The following IGSF9B variants were observed in gnomAD, a reference collection of about 807,000 sequenced individuals.
The protein encoded by IGSF9B is immunoglobulin superfamily member 9B.
A neutral mutation model predicts 143.7 loss-of-function variants in IGSF9B; 48 were observed. The observed-to-expected ratio is 0.33, with a 90% CI of 0.26 to 0.42. The LOEUF (loss-of-function observed/expected upper bound fraction) is 0.42, where lower values mean the gene tolerates loss of function less well. Among genes scored for constraint, IGSF9B ranks in the 20% least tolerant of loss-of-function variants. The pLI, the probability that IGSF9B is intolerant of heterozygous loss-of-function variation, is 1.00. For synonymous variants in IGSF9B, 903 were observed against 833.1 expected (o/e 1.08, Z -1.44); for missense variants, 1,706 against 1,980.0 (o/e 0.86, Z 2.63).
rs1939469278 is a variant in IGSF9B, at chr11:133,919,602, A to G, written c.3983+140T>C. On this transcript the variant is annotated intron_variant, in intron 18 of 19. Transcript: ENST00000533871. The stretch of plus-strand genomic sequence containing the variant: ...CCCCGCCCAAACCGCGGCGGCCAGA[A>G]CTCCTCTCCGAGGGACGCCGGTGCG... The G allele has an allele frequency of 1.1e-5, 6 of 570,288 alleles. No homozygotes were observed. In the Admixed American group the frequency reaches 2.3e-4, roughly 22 times the overall value. 35.3% of individuals were successfully genotyped at this position (570,288 alleles called of 1,614,324 possible). A position where few individuals can be genotyped will look rare whatever the true frequency, so the allele number is the denominator to read the frequency against.
chr11:133,927,049 C>T lies in IGSF9B; in HGVS notation c.1674G>A (p.Leu558=). The change falls in exon 13 of 20, where the codon TTG becomes TTA. Residue 558 remains leucine, a synonymous_variant. Transcript: ENST00000533871. ...AQFGPHDWLS[L]PVPPGPSWLL... is the part of the protein sequence containing the mutation. Reference sequence around the variant, plus strand: ...GCCAGCTGGGTCCTGGCGGCACTGGCAAGGACAGCCAGTCATGGGGCCCAA... The same window carrying T: ...GCCAGCTGGGTCCTGGCGGCACTGGTAAGGACAGCCAGTCATGGGGCCCAA... 1 of 1,562,376 alleles carries T rather than the reference C, an allele frequency of 6.4e-7. No individual in the cohort carries two copies. Among genetic ancestry groups the T allele is most frequent in the Non-Finnish European group, 8.7e-7 (1 of 1,153,388 alleles).
At chr11:133,951,760 C>G (rs551003687) in intron 1 of IGSF9B, among the ~76,000 whole-genome samples, 1 of 152,334 alleles carries the variant, frequency 6.6e-6, no homozygotes, top group East Asian at 1.9e-4. Flanking sequence ...CTGCAGCCGG[C>G]AGGCCGCCTG....
In IGSF9B at chr11:133,911,913, C is replaced by T. The variant is rs753450719; in HGVS notation, c.4078G>A (p.Gly1360Ser). 5 of 1,534,386 alleles carry T rather than the reference C, an allele frequency of 3.3e-6. No individual in the cohort carries two copies. Among genetic ancestry groups the T allele is most frequent in the Non-Finnish European group, 4.4e-6 (5 of 1,146,392 alleles). ...RIKKPKKSSK[G>S]SSKSKKRSDD... is the part of the protein sequence containing the mutation. Reference sequence around the variant, plus strand: ...GATCGTTTCTTTGACTTCGAAGAGCCCTTGGATGACTTTTTGGGCTTCTTT... The same window carrying T: ...GATCGTTTCTTTGACTTCGAAGAGCTCTTGGATGACTTTTTGGGCTTCTTT... The change falls in exon 19 of 20, where the codon GGC becomes AGC. Residue 1360 changes from glycine to serine, a missense_variant. Transcript: ENST00000533871.
Position 133,945,651 on chromosome 11 carries a change from G to T in IGSF9B, c.262+410C>A, listed in dbSNP as rs1940033437. Reference sequence around the variant, plus strand: ...CACCTGCAAACGGTGGGAGGCCAAAGATTCATCCATACACTCAGGACGGGA... The same window carrying T: ...CACCTGCAAACGGTGGGAGGCCAAATATTCATCCATACACTCAGGACGGGA... On this transcript the variant is annotated intron_variant, in intron 2 of 19. Coordinates refer to ENST00000533871, the MANE Select transcript of IGSF9B (RefSeq NM_001277285.4). The surrounding 1 kb of genome is among the most constrained non-coding windows in gnomAD (Gnocchi z 4.6). 6.6e-6 allele frequency among the ~76,000 whole-genome samples: 1 copy of T among 152,084 alleles called. No individual in the cohort carries two copies. Among genetic ancestry groups the T allele is most frequent in the Non-Finnish European group, 1.5e-5 (1 of 68,034 alleles).
rs1424071704 is a variant in IGSF9B at position 133,909,540 on chromosome 11, T to C, written c.4106-263A>G. ...GGAGAGGATTTTCCTTCTCATTCAT[T>C]TCTTTCTCGATCAGTCTACAAATAT... On this transcript the variant is annotated intron_variant, in intron 19 of 19. Coordinates refer to ENST00000533871, the MANE Select transcript of IGSF9B (RefSeq NM_001277285.4). This position sits in a 1 kb window ranked among gnomAD's most constrained non-coding sequence, Gnocchi z 4.2. Among the ~76,000 whole-genome samples, 1 of 152,220 alleles carries C rather than the reference T, an allele frequency of 6.6e-6. No individual in the cohort carries two copies. Among genetic ancestry groups the C allele is most frequent in the Non-Finnish European group, 1.5e-5 (1 of 68,030 alleles).
intron 1 of IGSF9B, among the ~76,000 whole-genome samples, chr11:133,954,522 G>A (rs1397695439): frequency 6.6e-6 from 1 of 152,196 alleles, no homozygotes; most frequent in Non-Finnish European, 1.5e-5. Context: ...GGGACACTGA[G>A]AAAATAATGT....
rs888767270 is a variant in IGSF9B at position 133,944,114 on chromosome 11, G to A, written c.409+106C>T. 4 of 1,225,590 alleles carry A rather than the reference G, an allele frequency of 3.3e-6. No individual in the cohort carries two copies. The African/African-American group carries it at 6.1e-5, about 19-fold the overall frequency. The allele number at this position is 1,225,590 out of a possible 1,614,324, so 75.9% of individuals were successfully genotyped here. A position where few individuals can be genotyped will look rare whatever the true frequency, so the allele number is the denominator to read the frequency against. ...AGCAACAAGGAGGGGGGCAGGGGGT[G>A]AGATGCAGTTGGGAGAAGGGCTTCC... On this transcript the variant is annotated intron_variant, in intron 3 of 19. Transcript: ENST00000533871.
intron 1 of IGSF9B, among the ~76,000 whole-genome samples, chr11:133,952,726 C>T (rs1178358711): frequency 6.6e-6 from 1 of 151,786 alleles, no homozygotes; most frequent in African/African-American, 2.4e-5. Context: ...CATATATGCA[C>T]ACATGCAGGG....
chr11:133,922,012 T>C (rs1939548350), intron 17 of IGSF9B, among the ~76,000 whole-genome samples, 165 bp downstream of exon 17: 1 of 151,976 alleles, frequency 6.6e-6, no homozygotes, highest in Non-Finnish European at 1.5e-5. Flanking sequence ...CAAGAAGAAA[T>C]GGCTTAGAAA....
rs1939215440 is a variant in IGSF9B at position 133,906,711 on chromosome 11, AG to A, written c.*2357del. ...TTCTAACCTGAGGGCTGGAATTCCC[AG>A]GAGGGTGCTCAGAAAAGTAGGCCAA... On this transcript the variant is annotated 3_prime_UTR_variant, in exon 20 of 20. Coordinates refer to ENST00000533871, the MANE Select transcript of IGSF9B (RefSeq NM_001277285.4). Among the ~76,000 whole-genome samples, 1 of 152,178 alleles carries A rather than the reference AG, an allele frequency of 6.6e-6. No homozygotes were observed. Among genetic ancestry groups the A allele is most frequent in the Non-Finnish European group, 1.5e-5 (1 of 68,030 alleles).
intron 19 of IGSF9B, among the ~76,000 whole-genome samples, chr11:133,910,984 C>A (rs1939293459): frequency 6.6e-6 from 1 of 152,086 alleles, no homozygotes; most frequent in African/African-American, 2.4e-5. Context: ...CTAGTACCAG[C>A]CAAAGGCTAA....
chr11:133,933,924 C>A (rs992094513), intron 7 of IGSF9B, among the ~76,000 whole-genome samples: 3 of 151,446 alleles, frequency 2.0e-5, no homozygotes, highest in Non-Finnish European at 4.4e-5. Context: ...AACAGTGTTA[C>A]ATAAATACCA....
rs1939025859 is a variant in IGSF9B, at chr11:133,896,876, G to A, written c.*12193C>T. On this transcript the variant is annotated 3_prime_UTR_variant, in exon 20 of 20. Transcript: ENST00000533871. ...CAGGCGTCTATTGCTTAGGGCCGTA[G>A]AGCAGGCGTGGCTTTGGGGTCATCT... The A allele has an allele frequency of 6.6e-6, 1 of 152,530 alleles. No individual in the cohort carries two copies. The highest frequency in any genetic ancestry group is 6.5e-5 in the Admixed American group (1 of 15,290). The allele number at this position is 152,530 out of a possible 1,614,324, so 9.4% of individuals were successfully genotyped here.
At chr11:133,923,760 TG>T (rs1201578004) in intron 15 of IGSF9B, among the ~76,000 whole-genome samples, 1 of 152,242 alleles carries the variant, frequency 6.6e-6, no homozygotes, top group Non-Finnish European at 1.5e-5. Flanking sequence ...TTCCCCTGTG[TG>T]GAAGTGTCTG....
intron 3 of IGSF9B, among the ~76,000 whole-genome samples, chr11:133,940,639 C>T (rs1352566518): frequency 2.8e-5 from 4 of 144,392 alleles, no homozygotes; most frequent in Admixed American, 1.4e-4. Context: ...TCCTCGCACG[C>T]GTCATCACAC....
Position 133,920,343 on chromosome 11 carries a change from G to A in IGSF9B, c.3382C>T (p.Pro1128Ser). The A allele has an allele frequency of 6.2e-7, 1 of 1,600,538 alleles. No homozygotes were observed. The highest frequency in any genetic ancestry group is 1.1e-5 in the South Asian group (1 of 89,952). The change falls in exon 18 of 20, where the codon CCT becomes TCT. Residue 1128 changes from proline to serine, a missense_variant. Pro to Ser is a moderately conservative substitution (Grantham distance 74). Coordinates refer to ENST00000533871, the MANE Select transcript of IGSF9B (RefSeq NM_001277285.4). ...CGCAGCTGCCCTTGGCTTACCAGAG[G>A]TTGCATAGGTCTGTCCTGCCACTTG... The part of the protein sequence containing the change: ...AAKWQDRPMQ[P>S]LVSQGQLRHT...
chr11:133,922,913 A>T (rs915799898), intron 15 of IGSF9B, among the ~76,000 whole-genome samples, 183 bp from the exon 16 acceptor site: 1 of 152,242 alleles, frequency 6.6e-6, no homozygotes, highest in South Asian at 2.1e-4. Flanking sequence ...AGAAGAGAGG[A>T]GAGTCTACAG....
chr11:133,908,901 C>T lies in IGSF9B; in HGVS notation c.*168G>A. ...GTGTGCCCACCCTCCGTCCTGAAGA[C>T]AGGCGGCCAGGATCTGGAGGGAGAC... is the stretch of plus-strand genomic sequence containing the variant. On this transcript the variant is annotated 3_prime_UTR_variant, in exon 20 of 20. Coordinates refer to ENST00000533871, the MANE Select transcript of IGSF9B (RefSeq NM_001277285.4). The T allele has an allele frequency of 1.6e-6, 1 of 621,946 alleles. No individual in the cohort carries two copies. The highest frequency in any genetic ancestry group is 2.8e-6 in the Non-Finnish European group (1 of 357,358). The allele number at this position is 621,946 out of a possible 1,614,324, so 38.5% of individuals were successfully genotyped here.
chr11:133,901,070 G>A lies in IGSF9B; in HGVS notation c.*7999C>T, dbSNP rs965075780. The A allele has an allele frequency of 7.2e-5, 11 of 152,248 alleles. No individual in the cohort carries two copies. Among genetic ancestry groups the A allele is most frequent in the African/African-American group, 2.2e-4 (9 of 41,458 alleles). 9.4% of individuals were successfully genotyped at this position (152,248 alleles called of 1,614,324 possible). ...CCCTGTTAAGCCCCTCTGCAAAGAA[G>A]TTCAAGTCAACATCCCTCCCAAGTG... On this transcript the variant is annotated 3_prime_UTR_variant, in exon 20 of 20. Transcript: ENST00000533871.
Sources: allele counts gnomAD v4.1 joint callset (sites outside exome capture counted in the v4.1 genomes callset), GRCh38; gene constraint gnomAD v4.1.1; non-coding constraint Gnocchi (gnomAD v3.1); transcripts MANE v1.5; gene names NCBI Gene and HGNC (gene_info 2026-07-23, HGNC 2026-07-21).